The following NEURL1B variants were observed in gnomAD, a reference collection of about 807,000 sequenced individuals.
The protein encoded by NEURL1B is E3 ubiquitin-protein ligase NEURL1B.
A neutral mutation model predicts 37.4 loss-of-function variants in NEURL1B; 13 were observed. The observed-to-expected ratio is 0.35, with a 90% CI of 0.23 to 0.55. NEURL1B has a LOEUF of 0.55. Ranked by LOEUF, NEURL1B falls within the 20% of genes least tolerant of loss-of-function variation. NEURL1B has a pLI of 0.89. For synonymous variants in NEURL1B, 432 were observed against 426.6 expected (o/e 1.01, Z -0.16); for missense variants, 790 against 879.2 (o/e 0.90, Z 1.28).
At chr5:172,659,022 C>G (rs1191511012) in intron 1 of NEURL1B, among the ~76,000 whole-genome samples, 1 of 78,292 alleles carries the variant, frequency 1.3e-5, no homozygotes, top group East Asian at 4.5e-4. Context: ...ACATCCACCA[C>G]CACCCCTGCC....
At chr5:172,643,186 G>C (rs945086265) in intron 1 of NEURL1B, among the ~76,000 whole-genome samples, 2 of 152,176 alleles carry the variant, frequency 1.3e-5, no homozygotes, top group Non-Finnish European at 2.9e-5. Flanking sequence ...CAGTGTCTAA[G>C]TATGGGGAAT....
chr5:172,654,539 A>G (rs1339362100), intron 1 of NEURL1B, among the ~76,000 whole-genome samples: 3 of 150,846 alleles, frequency 2.0e-5, no homozygotes, highest in Non-Finnish European at 3.0e-5. Context: ...CTAACAGAAT[A>G]GCCCCATACT....
At chr5:172,646,895 C>T (rs1757571422) in intron 1 of NEURL1B, among the ~76,000 whole-genome samples, 1 of 150,346 alleles carries the variant, frequency 6.7e-6, no homozygotes, top group Admixed American at 6.6e-5. Context: ...TCTGAGGACC[C>T]CAGTGCAAAT....
rs866512267 is a variant in NEURL1B, at chr5:172,659,042, C to G, written c.32-10743C>G. Among the ~76,000 whole-genome samples the G allele has an allele frequency of 5.4e-3, 739 of 136,506 alleles. 13 individuals are homozygous for G. The highest frequency in any genetic ancestry group is 0.018 in the African/African-American group (686 of 37,990). The allele number at this position is 136,506 out of a possible 152,430, so 89.6% of individuals were successfully genotyped here. A position where few individuals can be genotyped will look rare whatever the true frequency, so the allele number is the denominator to read the frequency against. On this transcript the variant is annotated intron_variant, in intron 1 of 4. Transcript: ENST00000369800. The stretch of plus-strand genomic sequence containing the variant: ...CACCACCACCCCTGCCCGCCCCCCC[C>G]CCCCCAAAGCTTCCTTCCTGAGACC...
At chr5:172,682,403 C>T (rs575684502) in intron 2 of NEURL1B, among the ~76,000 whole-genome samples, 2 of 152,218 alleles carry the variant, frequency 1.3e-5, no homozygotes, top group African/African-American at 2.4e-5. Context: ...GGCAAAGCTC[C>T]GTCTCTACTA....
rs981294783 is a variant in NEURL1B at position 172,691,113 on chromosome 5, G to C, written c.*4188G>C. On this transcript the variant is annotated 3_prime_UTR_variant, in exon 5 of 5. Transcript: ENST00000369800. ...GACAATCTGTCTGTGCCTTACGAAAGTGTCTGTGCACTTTTTATCCTTTTT... is the reference window on the plus strand; with the variant it reads ...GACAATCTGTCTGTGCCTTACGAAACTGTCTGTGCACTTTTTATCCTTTTT... 2 of 152,200 alleles carry C rather than the reference G, an allele frequency of 1.3e-5. No individual in the cohort carries two copies. The highest frequency in any genetic ancestry group is 4.8e-5 in the African/African-American group (2 of 41,436). The allele number at this position is 152,200 out of a possible 1,614,324, so 9.4% of individuals were successfully genotyped here. A position where few individuals can be genotyped will look rare whatever the true frequency, so the allele number is the denominator to read the frequency against.
chr5:172,656,101 G>T (rs1333727258), intron 1 of NEURL1B, among the ~76,000 whole-genome samples: 1 of 152,152 alleles, frequency 6.6e-6, no homozygotes, highest in Non-Finnish European at 1.5e-5. Flanking sequence ...TATTGGCTAG[G>T]ATTAGACTGT....
chr5:172,654,129 A>G (rs1038908531), intron 1 of NEURL1B, among the ~76,000 whole-genome samples: 1 of 152,194 alleles, frequency 6.6e-6, no homozygotes. Flanking sequence ...AGCAAATTTT[A>G]CTTTTATTGA....
Position 172,683,349 on chromosome 5 carries a change from CG to C in NEURL1B, c.578-69del, listed in dbSNP as rs1440674022. 25 of 1,261,286 alleles carry C rather than the reference CG, an allele frequency of 2.0e-5. No homozygotes were observed. In the East Asian group the frequency reaches 7.7e-4, roughly 39 times the overall value. 78.1% of individuals were successfully genotyped at this position (1,261,286 alleles called of 1,614,324 possible). A position where few individuals can be genotyped will look rare whatever the true frequency, so the allele number is the denominator to read the frequency against. ...GTGGAGGCCTGCAGGAGGCAGCGGG[CG>C]AGGAGGGGCTCGCGACCAGCCTGAC... On this transcript the variant is annotated intron_variant, in intron 2 of 4. Coordinates refer to ENST00000369800, the MANE Select transcript of NEURL1B (RefSeq NM_001142651.3). The surrounding 1 kb of genome is among the most constrained non-coding windows in gnomAD (Gnocchi z 5.6).
chr5:172,669,909 G>T lies in NEURL1B; in HGVS notation c.156G>T (p.Leu52=). 6.9e-7 allele frequency: 1 copy of T among 1,453,446 alleles called. No individual in the cohort carries two copies. 90.0% of individuals were successfully genotyped at this position (1,453,446 alleles called of 1,614,324 possible). Residue 52 remains leucine (L), a synonymous_variant, in exon 2 of 5, where the codon CTG becomes CTT. Coordinates refer to ENST00000369800, the MANE Select transcript of NEURL1B (RefSeq NM_001142651.3). Reference sequence around the variant, plus strand: ...AGGCCAAAGGCAAGAACGTGCGGCTGGACGGCCACTCGCGCCGGGCCACAC... The same window carrying T: ...AGGCCAAAGGCAAGAACGTGCGGCTTGACGGCCACTCGCGCCGGGCCACAC... ...HAQAKGKNVR[L]DGHSRRATRR... is the part of the protein sequence containing the mutation.
At chr5:172,684,227 C>G (rs1443363995) in intron 3 of NEURL1B, 89 bp downstream of exon 3, 1 of 1,089,388 alleles carries the variant, frequency 9.2e-7, no homozygotes, top group Admixed American at 4.5e-5. Flanking sequence ...GGCCCCGCCC[C>G]TCTCGCTAGG....
Position 172,670,097 on chromosome 5 carries a change from C to T in NEURL1B, c.344C>T (p.Pro115Leu). 3 of 1,525,590 alleles carry T rather than the reference C, an allele frequency of 2.0e-6. No homozygotes were observed. The highest frequency in any genetic ancestry group is 2.6e-6 in the Non-Finnish European group (3 of 1,142,200). The allele number at this position is 1,525,590 out of a possible 1,614,324, so 94.5% of individuals were successfully genotyped here. The change falls in exon 2 of 5, where the codon CCC becomes CTC. Residue 115 changes from proline to leucine, a missense_variant. Physicochemically the swap from Pro to Leu is moderately conservative, Grantham distance 98 (BLOSUM62 -3). Around this residue, in one of 3 missense-constraint regions of NEURL1B, gnomAD observed 215 missense variants for 309.2 expected, o/e 0.70. Coordinates refer to ENST00000369800, the MANE Select transcript of NEURL1B (RefSeq NM_001142651.3). ...DPSLMSAQDI[P>L]KYACPDLVTR... ...TCGCTCATGAGCGCCCAGGACATCCCCAAGTACGCCTGCCCGGACCTGGTC... is the reference window on the plus strand; with the variant it reads ...TCGCTCATGAGCGCCCAGGACATCCTCAAGTACGCCTGCCCGGACCTGGTC...
intron 2 of NEURL1B, among the ~76,000 whole-genome samples, chr5:172,670,859 G>A (rs770443498): frequency 3.4e-4 from 51 of 152,178 alleles, no homozygotes; most frequent in Non-Finnish European, 5.7e-4. Context: ...GTACCTCCAT[G>A]GCATGTGCAG....
Position 172,686,474 on chromosome 5 carries a change from G to A in NEURL1B, c.1423+178G>A, listed in dbSNP as rs1353455909. Among the ~76,000 whole-genome samples the A allele has an allele frequency of 6.6e-6, 1 of 152,214 alleles. No homozygotes were observed. The highest frequency in any genetic ancestry group is 1.5e-5 in the Non-Finnish European group (1 of 68,042). On this transcript the variant is annotated intron_variant, in intron 4 of 4. Transcript: ENST00000369800. The surrounding 1 kb of genome is among the most constrained non-coding windows in gnomAD (Gnocchi z 7.9). ...AAGTGTCTAGATAGGGCATTCCAAA[G>A]GGTGACGATGGTGGCATTTTATCTT...
At chr5:172,684,523 C>T (rs543869970) in intron 3 of NEURL1B, among the ~76,000 whole-genome samples, 1 of 152,050 alleles carries the variant, frequency 6.6e-6, no homozygotes, top group East Asian at 1.9e-4. Context: ...TCCGTTGTTA[C>T]GATTTGTTAC....
chr5:172,663,829 T>TTTTTTTTATTATTATTATTA (rs138220033), intron 1 of NEURL1B, among the ~76,000 whole-genome samples: 2 of 140,826 alleles, frequency 1.4e-5, no homozygotes, highest in Non-Finnish European at 3.1e-5. Flanking sequence ...GTTTTATTTG[T>TTTTTTTTATTATTATTATTA]TTATTATTAT....
At position 172,669,912 on chromosome 5, in the gene NEURL1B, C is replaced by T. The variant is rs1022883903; in HGVS notation, c.159C>T (p.Asp53=). The T allele has an allele frequency of 2.1e-6, 3 of 1,451,360 alleles. No individual in the cohort carries two copies. The highest frequency in any genetic ancestry group is 2.7e-6 in the Non-Finnish European group (3 of 1,106,796). 89.9% of individuals were successfully genotyped at this position (1,451,360 alleles called of 1,614,324 possible). A position where few individuals can be genotyped will look rare whatever the true frequency, so the allele number is the denominator to read the frequency against. The part of the protein sequence containing the change: ...AQAKGKNVRL[D]GHSRRATRRN... Reference sequence around the variant, plus strand: ...CCAAAGGCAAGAACGTGCGGCTGGACGGCCACTCGCGCCGGGCCACACGGC... The same window carrying T: ...CCAAAGGCAAGAACGTGCGGCTGGATGGCCACTCGCGCCGGGCCACACGGC... Residue 53 remains aspartate (D), a synonymous_variant, in exon 2 of 5, where the codon GAC becomes GAT. Transcript: ENST00000369800.
intron 1 of NEURL1B, among the ~76,000 whole-genome samples, chr5:172,663,520 CA>C (rs34033673): frequency 0.65 from 71,789 of 110,878 alleles, 21,027 homozygotes; most frequent in African/African-American, 0.69. Flanking sequence ...GACTCCATCT[CA>C]AAAAAAAAAA....
In NEURL1B at chr5:172,690,953, C is replaced by A. The variant is rs907325480; in HGVS notation, c.*4028C>A. The stretch of plus-strand genomic sequence containing the variant: ...CGTCCAGTTGAGGCAGAGGCAATAA[C>A]CTCCCATTGCTCGGCCCTGCGCCTG... On this transcript the variant is annotated 3_prime_UTR_variant, in exon 5 of 5. Coordinates refer to ENST00000369800, the MANE Select transcript of NEURL1B (RefSeq NM_001142651.3). 2 of 152,172 alleles carry A rather than the reference C, an allele frequency of 1.3e-5. No homozygotes were observed. Among genetic ancestry groups the A allele is most frequent in the African/African-American group, 4.8e-5 (2 of 41,418 alleles). The allele number at this position is 152,172 out of a possible 1,614,324, so 9.4% of individuals were successfully genotyped here. A position where few individuals can be genotyped will look rare whatever the true frequency, so the allele number is the denominator to read the frequency against.
Sources: allele counts gnomAD v4.1 joint callset (sites outside exome capture counted in the v4.1 genomes callset), GRCh38; gene constraint gnomAD v4.1.1; regional missense constraint gnomAD v4.1.1; non-coding constraint Gnocchi (gnomAD v3.1); transcripts MANE v1.5; gene names NCBI Gene and HGNC (gene_info 2026-07-23, HGNC 2026-07-21).